Variants in NFIB observed in about 807,000 individuals in gnomAD.
NFIB encodes nuclear factor 1 B-type.
In NFIB, 11 loss-of-function variants were observed where a neutral mutation model predicts 61.5. That is an observed-to-expected ratio of 0.18 (90% CI 0.11 to 0.30). The LOEUF (loss-of-function observed/expected upper bound fraction) is 0.30. Ranked by LOEUF, NFIB falls within the 10% of genes least tolerant of loss-of-function variation. The pLI, the probability that NFIB is intolerant of heterozygous loss-of-function variation, is 1.00. For synonymous variants in NFIB, 260 were observed against 216.5 expected, an observed-to-expected ratio of 1.20 and a Z score of -1.76; for missense variants, 471 against 608.9, an observed-to-expected ratio of 0.77 and a Z score of 2.38.
At position 14,291,120 on chromosome 9, in the gene NFIB, T is replaced by C. The variant is rs75198992; in HGVS notation, c.562+15869A>G. On this transcript the variant is annotated intron_variant, in intron 2 of 10. Coordinates refer to ENST00000380953, the MANE Select transcript of NFIB (RefSeq NM_001190737.2). ...TGTTAATCTTTGCCTTATTCCAGAG[T>C]CTCTTGATATACATAAGCACACACA... is the stretch of plus-strand genomic sequence containing the variant. 9.5e-3 allele frequency among the ~76,000 whole-genome samples: 1,445 copies of C among 152,162 alleles called. 21 individuals carry two copies. The highest frequency in any genetic ancestry group is 0.02 in the Middle Eastern group (6 of 294).
the NFIB span, among the ~76,000 whole-genome samples, chr9:14,458,499 G>T: frequency 6.6e-6 from 1 of 152,160 alleles, no homozygotes; most frequent in African/African-American, 2.4e-5. Context: ...TCAACATAGT[G>T]TTGGAAGTTC....
At chr9:14,468,679 G>A in the NFIB span, among the ~76,000 whole-genome samples, 3 of 152,194 alleles carry the variant, frequency 2.0e-5, no homozygotes, top group African/African-American at 4.8e-5. Context: ...ATAGAAAACT[G>A]GTGGAGATAC....
chr9:14,405,394 A>C, the NFIB span, among the ~76,000 whole-genome samples: 25 of 152,330 alleles, frequency 1.6e-4, no homozygotes, highest in African/African-American at 5.5e-4. Context: ...GAATGTTGCC[A>C]TAACAAAAAC....
At chr9:14,322,285 C>G (rs1448246758) in intron 1 of NFIB, 1 of 370,042 alleles carries the variant, frequency 2.7e-6, no homozygotes. Flanking sequence ...GACTTGAACG[C>G]CGTCCAGGAT....
At chr9:14,279,215 G>C (rs895697246) in intron 2 of NFIB, among the ~76,000 whole-genome samples, 2 of 152,034 alleles carry the variant, frequency 1.3e-5, no homozygotes, top group African/African-American at 4.8e-5. Flanking sequence ...ACTGGTAATG[G>C]AACCAAAAAT....
At chr9:14,392,843 A>G (rs1336718175) in intron 1 of NFIB, among the ~76,000 whole-genome samples, 1 of 152,230 alleles carries the variant, frequency 6.6e-6, no homozygotes, top group East Asian at 1.9e-4. Context: ...ATACCTGGCA[A>G]CTATTATTGG....
chr9:14,518,958 A>G, the NFIB span, among the ~76,000 whole-genome samples: 1 of 152,150 alleles, frequency 6.6e-6, no homozygotes, highest in Non-Finnish European at 1.5e-5. Flanking sequence ...GGGAAAGTCC[A>G]GGCCCCAGTT....
Position 14,313,455 on chromosome 9 carries a change from G to C in NFIB, c.30+27C>G. 6.2e-7 allele frequency: 1 copy of C among 1,613,722 alleles called. No homozygotes were observed. The highest frequency in any genetic ancestry group is 8.5e-7 in the Non-Finnish European group (1 of 1,179,826). The stretch of plus-strand genomic sequence containing the variant: ...AAAGGCATTTCGGGCCAGAGAGAAA[G>C]CTCGAGAAAGCGACCGAGACATGTA... On this transcript the variant is annotated intron_variant, in intron 1 of 10. Transcript: ENST00000380953. This position sits in a 1 kb window ranked among gnomAD's most constrained non-coding sequence, Gnocchi z 4.5.
At chr9:14,226,374 C>T (rs2052416593) in intron 2 of NFIB, among the ~76,000 whole-genome samples, 3 of 151,836 alleles carry the variant, frequency 2.0e-5, no homozygotes, top group African/African-American at 7.3e-5. Context: ...ATAGTGAGAT[C>T]CCCATCTCTA....
the NFIB span, among the ~76,000 whole-genome samples, chr9:14,441,115 T>G: frequency 8.2e-6 from 1 of 122,166 alleles, no homozygotes; most frequent in Non-Finnish European, 1.6e-5. Flanking sequence ...TTAATTATCA[T>G]CAATTCTTTG....
chr9:14,477,356 T>C, the NFIB span, among the ~76,000 whole-genome samples: 3 of 152,218 alleles, frequency 2.0e-5, no homozygotes, highest in African/African-American at 7.2e-5. Context: ...GTATTCCAAA[T>C]CTTTTTCTGG....
intron 10 of NFIB, among the ~76,000 whole-genome samples, chr9:14,093,888 T>G (rs967374842): frequency 6.6e-6 from 1 of 152,112 alleles, no homozygotes; most frequent in African/African-American, 2.4e-5. Flanking sequence ...TCTATTTATG[T>G]ATTAGAACAA....
chr9:14,493,399 T>C, the NFIB span, among the ~76,000 whole-genome samples: 1 of 152,184 alleles, frequency 6.6e-6, no homozygotes. Flanking sequence ...ATTTCACAGA[T>C]TGTTAGAAAG....
intron 2 of NFIB, among the ~76,000 whole-genome samples, chr9:14,240,828 A>G (rs2054269871): frequency 6.6e-6 from 1 of 152,188 alleles, no homozygotes; most frequent in Non-Finnish European, 1.5e-5. Flanking sequence ...AAATTACTCC[A>G]CAGAAAGCAG....
chr9:14,271,102 C>T (rs1226385145), intron 2 of NFIB, among the ~76,000 whole-genome samples: 1 of 151,896 alleles, frequency 6.6e-6, no homozygotes, highest in Non-Finnish European at 1.5e-5. Context: ...TTAGAAGAGA[C>T]CTCCCACCCC....
chr9:14,267,000 C>G (rs374442383), intron 2 of NFIB, among the ~76,000 whole-genome samples: 1 of 152,016 alleles, frequency 6.6e-6, no homozygotes, highest in Non-Finnish European at 1.5e-5. Context: ...GGAAAACAGA[C>G]AAATGAAAAC....
At chr9:14,296,100 T>C (rs1463632907) in intron 2 of NFIB, among the ~76,000 whole-genome samples, 3 of 152,220 alleles carry the variant, frequency 2.0e-5, no homozygotes, top group Admixed American at 1.3e-4. Flanking sequence ...GTATGTCTTG[T>C]TACCTGAGAT....
At chr9:14,253,748 C>G (rs2132159045) in intron 2 of NFIB, among the ~76,000 whole-genome samples, 1 of 152,196 alleles carries the variant, frequency 6.6e-6, no homozygotes, top group Non-Finnish European at 1.5e-5. Flanking sequence ...ACGTAATAAC[C>G]TGGGTGCTGC....
At chr9:14,432,515 T>C in the NFIB span, among the ~76,000 whole-genome samples, 92 of 152,376 alleles carry the variant, frequency 6.0e-4, 1 homozygote, top group African/African-American at 2.2e-3. Context: ...ACTTTCAGCC[T>C]CTTAATACAA....
Sources: gnomAD v4.1 joint callset for allele counts (sites outside exome capture counted in the v4.1 genomes callset) on GRCh38, gnomAD v4.1.1 for gene constraint, Gnocchi (gnomAD v3.1) non-coding constraint, MANE v1.5 for transcripts, NCBI Gene and HGNC (gene_info 2026-07-23, HGNC 2026-07-21) for gene names.